Variants in PGR observed in about 807,000 individuals in gnomAD.
PGR encodes the protein nuclear receptor subfamily 3 group C member 3.
Under a neutral mutation model 76.1 loss-of-function variants are expected in PGR, and 25 were observed. The observed-to-expected ratio is 0.33, with a 90% CI of 0.24 to 0.46. PGR has a LOEUF of 0.46. PGR is among the 20% of genes least tolerant of loss of function. The pLI is 1.00. For missense variants in PGR, 1,172 were observed against 1,225.3 expected, an observed-to-expected ratio of 0.96 and a Z score of 0.65; for synonymous variants, 579 against 535.0, an observed-to-expected ratio of 1.08 and a Z score of -1.14.
Position 101,127,907 on chromosome 11 carries a change from C to T in PGR, c.1164G>A (p.Lys388=). The T allele has an allele frequency of 6.2e-7, 1 of 1,610,616 alleles. No homozygotes were observed. The highest frequency in any genetic ancestry group is 8.5e-7 in the Non-Finnish European group (1 of 1,179,686). The change falls in exon 1 of 8, where the codon AAG becomes AAA. Residue 388 remains lysine (K), a synonymous_variant. Transcript: ENST00000325455. ...SDFQPPALKI[K]EEEEGAEASA... ...AGGCCTCCGCGCCTTCCTCCTCCTC[C>T]TTTATCTTTAGAGCGGGCGGCTGGA... is the stretch of plus-strand genomic sequence containing the variant.
At position 101,119,229 on chromosome 11, in the gene PGR, G is replaced by A. The variant is rs913982202; in HGVS notation, c.1789+6778C>T. ...TCCTAACAGGCCATGGGCCCGCACC[G>A]GACCATGGACTGGCTGTGGTACCAG... On this transcript the variant is annotated intron_variant, in intron 2 of 7. Coordinates refer to ENST00000325455, the MANE Select transcript of PGR (RefSeq NM_000926.4). Among the ~76,000 whole-genome samples the A allele has an allele frequency of 7.2e-5, 11 of 152,132 alleles. 1 individual carries two copies. Among genetic ancestry groups the A allele is most frequent in the African/African-American group, 1.7e-4 (7 of 41,436 alleles).
At chr11:101,081,630 AC>A (rs1861311252) in intron 3 of PGR, among the ~76,000 whole-genome samples, 1 of 152,182 alleles carries the variant, frequency 6.6e-6, no homozygotes, top group African/African-American at 2.4e-5. Context: ...AGAAATTTCA[AC>A]CAAGAATTTC....
At chr11:101,055,853 T>C (rs1286487666) in intron 4 of PGR, among the ~76,000 whole-genome samples, 1 of 152,206 alleles carries the variant, frequency 6.6e-6, no homozygotes, top group South Asian at 2.1e-4. Context: ...TATGACAACA[T>C]TAAAGGCAAA....
intron 6 of PGR, among the ~76,000 whole-genome samples, chr11:101,043,920 T>C (rs1859777765): frequency 6.6e-6 from 1 of 152,184 alleles, no homozygotes; most frequent in Admixed American, 6.5e-5. Context: ...GCAGAACAGA[T>C]TGAGCGTAAT....
chr11:101,044,953 C>T (rs1859817451), intron 6 of PGR, among the ~76,000 whole-genome samples: 1 of 151,980 alleles, frequency 6.6e-6, no homozygotes, highest in African/African-American at 2.4e-5. Context: ...GTGATTCGCC[C>T]ACCTCAGCTT....
intron 1 of PGR, 148 bp from the exon 2 acceptor site, chr11:101,126,306 T>C: frequency 1.3e-6 from 1 of 746,904 alleles, no homozygotes; most frequent in East Asian, 2.7e-5. Flanking sequence ...AAACTAAACT[T>C]GGTAATAGAC....
At chr11:101,039,320 T>G (rs1859617927) in intron 7 of PGR, 49 bp from the exon 8 acceptor site, 2 of 1,337,520 alleles carry the variant, frequency 1.5e-6, no homozygotes, top group Non-Finnish European at 2.1e-6. Flanking sequence ...AATAATAAAT[T>G]CATATGCTAT....
chr11:101,113,639 A>G (rs975510566), intron 2 of PGR, among the ~76,000 whole-genome samples: 1 of 152,172 alleles, frequency 6.6e-6, no homozygotes, highest in Non-Finnish European at 1.5e-5. Context: ...TCTGAAATGC[A>G]TATCCTTTTA....
At chr11:101,043,190 AGTTTAT>A (rs1421990011) in intron 6 of PGR, among the ~76,000 whole-genome samples, 16 of 152,204 alleles carry the variant, frequency 1.1e-4, no homozygotes, top group Non-Finnish European at 2.4e-4. Flanking sequence ...TTATCAACTA[AGTTTAT>A]GTAATCTCCG....
intron 2 of PGR, 57 bp from the exon 3 acceptor site, chr11:101,091,933 C>T: frequency 1.1e-6 from 1 of 892,432 alleles, no homozygotes; most frequent in Non-Finnish European, 1.9e-6. Context: ...ACTGGAAATT[C>T]TATGCAGTGA....
intron 2 of PGR, among the ~76,000 whole-genome samples, chr11:101,099,032 T>C (rs1254989161): frequency 6.6e-6 from 1 of 152,230 alleles, no homozygotes; most frequent in African/African-American, 2.4e-5. Context: ...CCAGTGAAAT[T>C]GCCAGGGTCC....
At chr11:101,124,785 A>G (rs987436349) in intron 2 of PGR, among the ~76,000 whole-genome samples, 1 of 152,152 alleles carries the variant, frequency 6.6e-6, no homozygotes, top group Non-Finnish European at 1.5e-5. Context: ...CAGTTGCCCT[A>G]TTTTCTCAAG....
At chr11:101,084,551 C>G (rs513081) in intron 3 of PGR, among the ~76,000 whole-genome samples, 28,554 of 151,568 alleles carry the variant, frequency 0.19, 3,291 homozygotes, top group African/African-American at 0.33. Flanking sequence ...CCAGCTACTC[C>G]GGAGGCTGAG....
Position 101,034,339 on chromosome 11 carries a change from C to T in PGR, c.*4777G>A, listed in dbSNP as rs955419149. The T allele has an allele frequency of 5.1e-5, 11 of 215,896 alleles. No homozygotes were observed. The highest frequency in any genetic ancestry group is 6.9e-5 in the East Asian group (1 of 14,582). The allele number at this position is 215,896 out of a possible 1,614,324, so 13.4% of individuals were successfully genotyped here. On this transcript the variant is annotated 3_prime_UTR_variant, in exon 8 of 8. Coordinates refer to ENST00000325455, the MANE Select transcript of PGR (RefSeq NM_000926.4). ...GCATAAGGCTGCGGACAAGCTTGGGCGCAGCCCCTGTGCCTGTGACCTGAG... is the reference window on the plus strand; with the variant it reads ...GCATAAGGCTGCGGACAAGCTTGGGTGCAGCCCCTGTGCCTGTGACCTGAG...
chr11:101,124,370 TTATA>T (rs1862775153), intron 2 of PGR, among the ~76,000 whole-genome samples: 1 of 152,204 alleles, frequency 6.6e-6, no homozygotes, highest in African/African-American at 2.4e-5. Context: ...ATCAAACAGT[TTATA>T]TATCTACTTT....
chr11:101,078,321 A>T (rs572204610), intron 3 of PGR, among the ~76,000 whole-genome samples: 1 of 152,364 alleles, frequency 6.6e-6, no homozygotes, highest in East Asian at 1.9e-4. Flanking sequence ...GTAACTGTGG[A>T]TTTAAAAAAT....
chr11:101,073,806 C>T (rs1397513542), intron 3 of PGR, among the ~76,000 whole-genome samples: 1 of 152,030 alleles, frequency 6.6e-6, no homozygotes, highest in Non-Finnish European at 1.5e-5. Context: ...CTGAATAGAC[C>T]AATAACAAGT....
At position 101,030,627 on chromosome 11, in the gene PGR, A is replaced by G. The variant is rs1294081727; in HGVS notation, c.*8489T>C. 2 of 217,066 alleles carry G rather than the reference A, an allele frequency of 9.2e-6. No homozygotes were observed. Among genetic ancestry groups the G allele is most frequent in the Non-Finnish European group, 9.3e-6 (1 of 107,822 alleles). 13.4% of individuals were successfully genotyped at this position (217,066 alleles called of 1,614,324 possible). ...GCATATTGCTCTGAGGAGAATTGGA[A>G]TTGTTATAGCGGAAATGTTCAAAGA... On this transcript the variant is annotated 3_prime_UTR_variant, in exon 8 of 8. Coordinates refer to ENST00000325455, the MANE Select transcript of PGR (RefSeq NM_000926.4).
At chr11:101,084,812 G>A (rs375049814) in intron 3 of PGR, among the ~76,000 whole-genome samples, 1 of 152,148 alleles carries the variant, frequency 6.6e-6, no homozygotes, top group Non-Finnish European at 1.5e-5. Context: ...AAACAAAAAA[G>A]AGCAGGGGTT....
Sources: allele counts gnomAD v4.1 joint callset (sites outside exome capture counted in the v4.1 genomes callset), GRCh38; gene constraint gnomAD v4.1.1; transcripts MANE v1.5; gene names NCBI Gene and HGNC (gene_info 2026-07-23, HGNC 2026-07-21).